The following CDK13 variants were observed in gnomAD, a reference collection of about 807,000 sequenced individuals.
CDK13 encodes cyclin-dependent kinase 13.
A neutral mutation model predicts 137.6 loss-of-function variants in CDK13; 40 were observed. That is an observed-to-expected ratio of 0.29 (90% confidence interval 0.23 to 0.38). The LOEUF (loss-of-function observed/expected upper bound fraction) is 0.38, where lower values mean the gene tolerates loss of function less well. CDK13 is among the 10% of genes least tolerant of loss of function. The pLI, the probability that CDK13 is intolerant of heterozygous loss-of-function variation, is 1.00. For synonymous variants in CDK13, 869 were observed against 760.1 expected, an observed-to-expected ratio of 1.14 and a Z score of -2.36; for missense variants, 1,704 against 1,951.8, an observed-to-expected ratio of 0.87 and a Z score of 2.39.
In CDK13 at chr7:39,950,403, T is replaced by C. The variant is rs1168960785; in HGVS notation, c.-239T>C. On this transcript the variant is annotated 5_prime_UTR_variant, in exon 1 of 14. Coordinates refer to ENST00000181839, the MANE Select transcript of CDK13 (RefSeq NM_003718.5). ...GCCGAGGATAGGACGACGAGCGCAATCGGGAGCTCCGCCGCCCGGATTCCT... is the reference window on the plus strand; with the variant it reads ...GCCGAGGATAGGACGACGAGCGCAACCGGGAGCTCCGCCGCCCGGATTCCT... 1 of 1,229,150 alleles carries C rather than the reference T, an allele frequency of 8.1e-7. No individual in the cohort carries two copies. Among genetic ancestry groups the C allele is most frequent in the Non-Finnish European group, 1.0e-6 (1 of 986,282 alleles). The allele number at this position is 1,229,150 out of a possible 1,614,324, so 76.1% of individuals were successfully genotyped here. A position where few individuals can be genotyped will look rare whatever the true frequency, so the allele number is the denominator to read the frequency against.
intron 1 of CDK13, among the ~76,000 whole-genome samples, chr7:39,969,486 T>C (rs933545860): frequency 6.6e-6 from 1 of 152,246 alleles, no homozygotes; most frequent in Non-Finnish European, 1.5e-5. Context: ...TACTGAACAT[T>C]TGAGTACAGG....
intron 1 of CDK13, 143 bp downstream of exon 1, chr7:39,951,995 ATAGGCGTTTTCGC>A (rs1299457997): frequency 1.5e-5 from 14 of 924,212 alleles, no homozygotes; most frequent in Non-Finnish European, 1.8e-5. Context: ...CCCAGGAAGG[ATAGGCGTTTTCGC>A]GCGCGTGACA....
At chr7:40,075,663 T>A (rs1192353100) in intron 9 of CDK13, among the ~76,000 whole-genome samples, 2 of 152,232 alleles carry the variant, frequency 1.3e-5, no homozygotes, top group East Asian at 3.9e-4. Context: ...GAGTCAAATA[T>A]AAAACTTGCT....
At chr7:40,001,790 C>T in intron 4 of CDK13, 71 bp from the exon 5 acceptor site, 1 of 939,626 alleles carries the variant, frequency 1.1e-6, no homozygotes, top group Admixed American at 2.2e-5. Flanking sequence ...AATTAAAATA[C>T]ATTTAAAGTT....
chr7:39,959,909 TTATG>T (rs1787554653), intron 1 of CDK13, among the ~76,000 whole-genome samples: 1 of 152,016 alleles, frequency 6.6e-6, no homozygotes, highest in African/African-American at 2.4e-5. Context: ...TTAACCTTCT[TTATG>T]TAACGTTTTA....
intron 1 of CDK13, among the ~76,000 whole-genome samples, chr7:39,958,072 T>C (rs1159506083): frequency 2.6e-5 from 4 of 152,214 alleles, no homozygotes; most frequent in Non-Finnish European, 5.9e-5. Flanking sequence ...CCTGCACATT[T>C]AAATTGTGGA....
chr7:40,083,566 C>T (rs994105533), intron 11 of CDK13, among the ~76,000 whole-genome samples: 7 of 152,098 alleles, frequency 4.6e-5, no homozygotes, highest in African/African-American at 1.7e-4. Context: ...AGTATTTTGC[C>T]AAAACTTGGA....
At chr7:39,954,797 A>G (rs936542313) in intron 1 of CDK13, among the ~76,000 whole-genome samples, 15 of 152,170 alleles carry the variant, frequency 9.9e-5, no homozygotes, top group Admixed American at 6.5e-4. Context: ...AAATAAGCTG[A>G]AAATAGAGAT....
intron 7 of CDK13, among the ~76,000 whole-genome samples, chr7:40,055,913 A>C (rs1208051723): frequency 6.6e-6 from 1 of 152,116 alleles, no homozygotes; most frequent in African/African-American, 2.4e-5. Flanking sequence ...TCTTTGGATA[A>C]TGTATTTTCA....
chr7:39,971,964 T>G (rs1043997228), intron 1 of CDK13, among the ~76,000 whole-genome samples: 8 of 152,218 alleles, frequency 5.3e-5, no homozygotes, highest in Non-Finnish European at 1.0e-4. Flanking sequence ...TAAGGTCTGG[T>G]AATACACTTT....
chr7:40,074,536 AAAAAG>A (rs1333033774), intron 9 of CDK13, among the ~76,000 whole-genome samples: 201 of 151,794 alleles, frequency 1.3e-3, no homozygotes, highest in African/African-American at 4.8e-3. Flanking sequence ...AAAAAAAAAA[AAAAAG>A]AAAGTAAATA....
chr7:40,037,749 A>G (rs1245764513), intron 5 of CDK13, among the ~76,000 whole-genome samples: 1 of 152,230 alleles, frequency 6.6e-6, no homozygotes, highest in Non-Finnish European at 1.5e-5. Context: ...TGGTTCCTAA[A>G]ATATTAACAT....
At chr7:40,033,226 G>A (rs370340972) in intron 5 of CDK13, among the ~76,000 whole-genome samples, 102 of 152,210 alleles carry the variant, frequency 6.7e-4, no homozygotes, top group Middle Eastern at 3.4e-3. Flanking sequence ...AAAGTGCTGG[G>A]ATTACAGGCA....
At chr7:40,038,755 G>T (rs1468495789) in intron 5 of CDK13, among the ~76,000 whole-genome samples, 1 of 152,174 alleles carries the variant, frequency 6.6e-6, no homozygotes, top group Non-Finnish European at 1.5e-5. Context: ...GAGTGCAATG[G>T]CATGATCTTG....
chr7:40,093,710 A>G (rs972417797), intron 13 of CDK13, among the ~76,000 whole-genome samples: 2 of 152,036 alleles, frequency 1.3e-5, no homozygotes, highest in Non-Finnish European at 2.9e-5. Flanking sequence ...TTCAGTACCT[A>G]TCTGTGCAAC....
At chr7:39,993,592 G>A (rs1784506499) in intron 2 of CDK13, among the ~76,000 whole-genome samples, 1 of 151,980 alleles carries the variant, frequency 6.6e-6, no homozygotes, top group Admixed American at 6.6e-5. Flanking sequence ...TTTAAAATTA[G>A]AATCATACCA....
intron 5 of CDK13, among the ~76,000 whole-genome samples, chr7:40,026,217 A>G (rs1785238716): frequency 6.6e-6 from 1 of 152,240 alleles, no homozygotes; most frequent in African/African-American, 2.4e-5. Flanking sequence ...CTGTGTAAGT[A>G]TACCATTTAG....
chr7:40,001,093 A>G (rs1484351934), intron 4 of CDK13, among the ~76,000 whole-genome samples: 10 of 152,064 alleles, frequency 6.6e-5, no homozygotes. Context: ...TTTCACTGAT[A>G]GAGTTTTTCT....
chr7:40,084,886 A>C (rs1786750003), intron 11 of CDK13, among the ~76,000 whole-genome samples: 1 of 152,242 alleles, frequency 6.6e-6, no homozygotes, highest in African/African-American at 2.4e-5. Flanking sequence ...AGACACATCA[A>C]GTAAGTGACT....
Sources: allele counts gnomAD v4.1 joint callset (sites outside exome capture counted in the v4.1 genomes callset), GRCh38; gene constraint gnomAD v4.1.1; transcripts MANE v1.5; gene names NCBI Gene and HGNC (gene_info 2026-07-23, HGNC 2026-07-21).